Variants in TMEM135 observed in about 807,000 individuals in gnomAD.
TMEM135 encodes the protein peroxisomal membrane protein 52.
A neutral mutation model predicts 60.3 loss-of-function variants in TMEM135; 30 were observed. That is an observed-to-expected ratio of 0.50 (90% CI 0.37 to 0.68). TMEM135 has a LOEUF of 0.68. TMEM135 is among the 30% of genes least tolerant of loss of function. TMEM135 has a pLI of 0.00. For synonymous variants in TMEM135, 190 were observed against 186.7 expected (o/e 1.02, Z -0.14); for missense variants, 468 against 548.8 (o/e 0.85, Z 1.47).
At chr11:87,204,273 T>C (rs1424858839) in intron 5 of TMEM135, among the ~76,000 whole-genome samples, 1 of 152,130 alleles carries the variant, frequency 6.6e-6, no homozygotes, top group Non-Finnish European at 1.5e-5. Flanking sequence ...CGTACAATTT[T>C]TTTTTACCAA....
intron 6 of TMEM135, among the ~76,000 whole-genome samples, chr11:87,284,843 A>G (rs1313324322): frequency 2.0e-5 from 3 of 152,210 alleles, no homozygotes; most frequent in African/African-American, 7.2e-5. Flanking sequence ...TAGGGATACA[A>G]CATTAGTAGT....
intron 5 of TMEM135, among the ~76,000 whole-genome samples, chr11:87,163,470 C>T (rs1353325223): frequency 1.3e-5 from 2 of 150,448 alleles, no homozygotes; most frequent in Non-Finnish European, 2.9e-5. Context: ...CAAGTCTTTG[C>T]TATTGTGAAT....
intron 3 of TMEM135, among the ~76,000 whole-genome samples, chr11:87,082,335 A>G (rs866549671): frequency 6.6e-6 from 1 of 152,192 alleles, no homozygotes. Flanking sequence ...GAATTTATGT[A>G]AGACTTCATT....
At chr11:87,126,672 A>G (rs891498857) in intron 4 of TMEM135, among the ~76,000 whole-genome samples, 6 of 69,666 alleles carry the variant, frequency 8.6e-5, no homozygotes, top group African/African-American at 2.3e-4. Context: ...GATGGTTTTA[A>G]AAAAACATGG....
At chr11:87,176,006 A>C (rs1191392059) in intron 5 of TMEM135, among the ~76,000 whole-genome samples, 1 of 152,210 alleles carries the variant, frequency 6.6e-6, no homozygotes, top group Non-Finnish European at 1.5e-5. Context: ...TGTAATTTTT[A>C]CCATTTTGTT....
At chr11:87,238,780 G>C (rs970604087) in intron 6 of TMEM135, among the ~76,000 whole-genome samples, 2 of 151,880 alleles carry the variant, frequency 1.3e-5, no homozygotes, top group African/African-American at 4.8e-5. Flanking sequence ...TACCCAGTAG[G>C]GAAAATGCAA....
chr11:87,085,665 GAGGATGCCTTGTGCCTGGGAGGTGGA>G (rs1328831480), intron 3 of TMEM135, among the ~76,000 whole-genome samples: 1 of 152,174 alleles, frequency 6.6e-6, no homozygotes, highest in Non-Finnish European at 1.5e-5. Flanking sequence ...GCTGGGGTGG[GAGGATGCCTTGTGCCTGGGAGGTGGA>G]AGTTTCAGTG....
At chr11:87,174,481 A>G (rs1458269037) in intron 5 of TMEM135, among the ~76,000 whole-genome samples, 2 of 152,166 alleles carry the variant, frequency 1.3e-5, no homozygotes, top group Admixed American at 1.3e-4. Context: ...CTATTAGAAT[A>G]TAGCCTAGAA....
chr11:87,050,986 C>T lies in TMEM135; in HGVS notation c.141+12800C>T, dbSNP rs1949836811. ...TCCACCATGATCAAGTGGGCTTCATCCCTGGGATGCAAGGCTGGTTCAATA... is the reference window on the plus strand; with the variant it reads ...TCCACCATGATCAAGTGGGCTTCATTCCTGGGATGCAAGGCTGGTTCAATA... On this transcript the variant is annotated intron_variant, in intron 1 of 14. Coordinates refer to ENST00000305494, the MANE Select transcript of TMEM135 (RefSeq NM_022918.4). 2.5e-5 allele frequency among the ~76,000 whole-genome samples: 2 copies of T among 80,122 alleles called. 1 individual carries two copies. The highest frequency in any genetic ancestry group is 4.4e-5 in the Non-Finnish European group (2 of 45,828). 52.6% of individuals were successfully genotyped at this position (80,122 alleles called of 152,430 possible).
chr11:87,169,264 G>A (rs1373209210), intron 5 of TMEM135, among the ~76,000 whole-genome samples: 2 of 147,236 alleles, frequency 1.4e-5, no homozygotes, highest in Non-Finnish European at 3.0e-5. Flanking sequence ...TAGTTTGCCA[G>A]TCTGTGTCTT....
intron 5 of TMEM135, among the ~76,000 whole-genome samples, chr11:87,220,673 T>G (rs1940598538): frequency 6.6e-6 from 1 of 152,178 alleles, no homozygotes; most frequent in African/African-American, 2.4e-5. Flanking sequence ...CATGTTTTGG[T>G]GTGTAGAATT....
intron 5 of TMEM135, among the ~76,000 whole-genome samples, chr11:87,227,451 C>G (rs1940788743): frequency 6.6e-6 from 1 of 151,904 alleles, no homozygotes; most frequent in South Asian, 2.1e-4. Context: ...ATTTTTGGCT[C>G]TAAATGCTCT....
intron 7 of TMEM135, among the ~76,000 whole-genome samples, chr11:87,299,428 G>A (rs1942406466): frequency 6.6e-6 from 1 of 152,100 alleles, no homozygotes; most frequent in Non-Finnish European, 1.5e-5. Flanking sequence ...GGGGGAAACT[G>A]ACCCCATGAT....
intron 4 of TMEM135, among the ~76,000 whole-genome samples, chr11:87,131,347 T>C (rs74949422): frequency 2.0e-5 from 1 of 49,434 alleles, no homozygotes; most frequent in South Asian, 6.3e-4. Flanking sequence ...TGAAAATCCC[T>C]TGCAGCCACT....
chr11:87,232,307 G>T (rs1225061962), intron 5 of TMEM135, among the ~76,000 whole-genome samples: 1 of 151,858 alleles, frequency 6.6e-6, no homozygotes, highest in Non-Finnish European at 1.5e-5. Flanking sequence ...GTGAGTTGTG[G>T]GTAACCTATT....
rs567903451 is a variant in TMEM135, at chr11:87,141,684, T to G, written c.397-15657T>G. Among the ~76,000 whole-genome samples, 227 of 152,290 alleles carry G rather than the reference T, an allele frequency of 1.5e-3. No individual in the cohort carries two copies. In the Middle Eastern group the frequency reaches 0.024, roughly 16 times the overall value. Reference sequence around the variant, plus strand: ...TTTTAGGTAGAAAGTTGTTCACTTATAAGTCTGATGATAGTTGTCACTTGT... The same window carrying G: ...TTTTAGGTAGAAAGTTGTTCACTTAGAAGTCTGATGATAGTTGTCACTTGT... On this transcript the variant is annotated intron_variant, in intron 4 of 14. Transcript: ENST00000305494.
intron 6 of TMEM135, among the ~76,000 whole-genome samples, chr11:87,291,248 T>C (rs1394350083): frequency 7.7e-6 from 1 of 129,736 alleles, no homozygotes; most frequent in African/African-American, 2.9e-5. Flanking sequence ...AGTTTTGATT[T>C]TCTCCTTGAA....
intron 4 of TMEM135, among the ~76,000 whole-genome samples, chr11:87,136,255 C>T (rs536044353): frequency 6.6e-6 from 1 of 151,994 alleles, no homozygotes; most frequent in South Asian, 2.1e-4. Context: ...ATGTCAGATG[C>T]TTTTTCTGTA....
At chr11:87,293,462 A>G (rs1462920541) in intron 6 of TMEM135, among the ~76,000 whole-genome samples, 1 of 151,838 alleles carries the variant, frequency 6.6e-6, no homozygotes, top group Non-Finnish European at 1.5e-5. Flanking sequence ...TACGTGTGCC[A>G]TGGTGGTTTG....
Sources: gnomAD v4.1 joint callset for allele counts (sites outside exome capture counted in the v4.1 genomes callset) on GRCh38, gnomAD v4.1.1 for gene constraint, MANE v1.5 for transcripts, NCBI Gene and HGNC (gene_info 2026-07-23, HGNC 2026-07-21) for gene names.